The following ASB15 variants were observed in gnomAD, a reference collection of about 807,000 sequenced individuals.
ASB15 encodes ankyrin repeat and SOCS box protein 15.
In ASB15, 54 loss-of-function variants were observed where a neutral mutation model predicts 58.0. The observed-to-expected ratio is 0.93, with a 90% CI of 0.75 to 1.17. ASB15 has a LOEUF of 1.17. Among genes scored for constraint, ASB15 ranks in the 50% most tolerant of loss-of-function variants. ASB15 has a pLI of 0.00. For missense variants in ASB15, 680 were observed against 707.4 expected, an observed-to-expected ratio of 0.96 and a Z score of 0.44; for synonymous variants, 249 against 262.4, an observed-to-expected ratio of 0.95 and a Z score of 0.50.
chr7:123,604,871 A>T (rs1354044478), intron 2 of ASB15, among the ~76,000 whole-genome samples: 1 of 152,168 alleles, frequency 6.6e-6, no homozygotes, highest in Admixed American at 6.5e-5. Flanking sequence ...ACAGGAGTTC[A>T]ATCACAGAAT....
At chr7:123,597,954 G>GTTTA (rs1799751968), upstream of ASB15, among the ~76,000 whole-genome samples, 1 of 151,484 alleles carries the variant, frequency 6.6e-6, no homozygotes, top group Non-Finnish European at 1.5e-5. Context: ...GTGTGTGTGT[G>GTTTA]TGTGTGTCTT....
chr7:123,577,671 TAC>T (rs1400049382), intron 1 of ASB15, among the ~76,000 whole-genome samples: 1 of 152,112 alleles, frequency 6.6e-6, no homozygotes, highest in Non-Finnish European at 1.5e-5. Flanking sequence ...TGTTGAACAA[TAC>T]AGAGTCAAAC....
At chr7:123,589,324 C>T (rs200736110) in intron 1 of ASB15, among the ~76,000 whole-genome samples, 5 of 96,522 alleles carry the variant, frequency 5.2e-5, no homozygotes, top group South Asian at 3.2e-4. Flanking sequence ...TTATTATTAT[C>T]ATTATTATTA....
intron 11 of ASB15, among the ~76,000 whole-genome samples, chr7:123,634,831 G>A (rs1802327574): frequency 6.6e-6 from 1 of 152,108 alleles, no homozygotes; most frequent in African/African-American, 2.4e-5. Context: ...CTAATATGTA[G>A]CCCCCAAAGA....
intron 7 of ASB15, chr7:123,620,293 G>A (rs1034818704): frequency 2.0e-5 from 3 of 151,788 alleles, no homozygotes; most frequent in East Asian, 3.9e-4. Flanking sequence ...CTAAATACTT[G>A]GGGCTTCTGT....
chr7:123,567,994 G>C (rs1798805796), intron 1 of ASB15, among the ~76,000 whole-genome samples: 1 of 151,928 alleles, frequency 6.6e-6, no homozygotes, highest in Non-Finnish European at 1.5e-5. Context: ...CTTCTAAAAA[G>C]TGTCCATACT....
At chr7:123,567,195 T>A (rs1356582272) in intron 1 of ASB15, 1 of 152,176 alleles carries the variant, frequency 6.6e-6, no homozygotes, top group East Asian at 1.9e-4. Flanking sequence ...CTAGTGATAG[T>A]AGAATTAGGA....
At chr7:123,635,583 C>CTTTTTTTTT (rs5887149) in intron 11 of ASB15, among the ~76,000 whole-genome samples, 1 of 81,694 alleles carries the variant, frequency 1.2e-5, no homozygotes, top group African/African-American at 4.9e-5. Flanking sequence ...AAATTAATTG[C>CTTTTTTTTT]TTTTTTTTTT....
At position 123,627,253 on chromosome 7, in the gene ASB15, C is replaced by T; in HGVS notation, c.841C>T (p.His281Tyr). 6.2e-7 allele frequency: 1 copy of T among 1,613,706 alleles called. No individual in the cohort carries two copies. The highest frequency in any genetic ancestry group is 1.1e-5 in the South Asian group (1 of 91,062). ...TAACCGAGCAGGACATCTTCCTATA[C>T]ACCGAGCTGCCTATGAGGGGCATTA... ...VPNRAGHLPI[H>Y]RAAYEGHYLA... is the part of the protein sequence containing the mutation. The change falls in exon 9 of 12, where the codon CAC (histidine) becomes TAC (tyrosine). Residue 281 changes from histidine to tyrosine, a missense_variant. Coordinates refer to ENST00000451215, the MANE Select transcript of ASB15 (RefSeq NM_001290258.2).
intron 10 of ASB15, 105 bp from the exon 11 acceptor site, chr7:123,629,859 CTT>C: frequency 1.2e-6 from 1 of 839,550 alleles, no homozygotes; most frequent in South Asian, 2.3e-5. Flanking sequence ...AAGGAGAGAT[CTT>C]TTATTTTCTG....
Position 123,623,894 on chromosome 7 carries a change from G to GA in ASB15, c.452-672dup, listed in dbSNP as rs1440675165. ...AAAAAAAAGAAAAGAAAAGAAGAAA[G>GA]AAAGAATGGAAGGAAGGAAGGAAGG... is the stretch of plus-strand genomic sequence containing the variant. On this transcript the variant is annotated intron_variant, in intron 7 of 11. Transcript: ENST00000451215. Among the ~76,000 whole-genome samples, 11 of 64,564 alleles carry GA rather than the reference G, an allele frequency of 1.7e-4. 2 individuals carry two copies. The highest frequency in any genetic ancestry group is 7.7e-4 in the African/African-American group (11 of 14,338). 42.4% of individuals were successfully genotyped at this position (64,564 alleles called of 152,430 possible). A position where few individuals can be genotyped will look rare whatever the true frequency, so the allele number is the denominator to read the frequency against.
At chr7:123,603,818 T>C (rs1353985669) in intron 1 of ASB15, among the ~76,000 whole-genome samples, 1 of 152,156 alleles carries the variant, frequency 6.6e-6, no homozygotes, top group African/African-American at 2.4e-5. Flanking sequence ...AACATACGAC[T>C]TGTAGATCTT....
chr7:123,596,536 T>C (rs1413684152), intron 1 of ASB15: 1 of 152,046 alleles, frequency 6.6e-6, no homozygotes, highest in African/African-American at 2.4e-5. Context: ...TACTTGAGCC[T>C]GGGAGGCGGA....
At chr7:123,604,009 T>C (rs139819159) in intron 1 of ASB15, 23 bp from the exon 2 acceptor site, 1 of 152,286 alleles carries the variant, frequency 6.6e-6, no homozygotes, top group Non-Finnish European at 1.5e-5. Context: ...TAGAAAGAAA[T>C]GGATAAACAA....
chr7:123,582,255 T>C (rs1207663487), intron 1 of ASB15, among the ~76,000 whole-genome samples: 1 of 151,770 alleles, frequency 6.6e-6, no homozygotes, highest in Non-Finnish European at 1.5e-5. Context: ...GAAGGAAGGA[T>C]GTGTGACAAT....
intron 11 of ASB15, 80 bp from the exon 12 acceptor site, chr7:123,636,729 G>T: frequency 8.3e-7 from 1 of 1,209,978 alleles, no homozygotes; most frequent in South Asian, 1.4e-5. Flanking sequence ...CACTACTCAT[G>T]TTATTCTGAA....
intron 9 of ASB15, 146 bp downstream of exon 9, chr7:123,627,427 T>C (rs757405267): frequency 3.3e-5 from 20 of 609,526 alleles, no homozygotes; most frequent in Non-Finnish European, 4.6e-5. Flanking sequence ...AATTTAGATA[T>C]TTAGAACTTA....
rs536473982 is a variant in ASB15 at position 123,634,892 on chromosome 7, G to C, written c.1595-1917G>C. Among the ~76,000 whole-genome samples, 46 of 152,328 alleles carry C rather than the reference G, an allele frequency of 3.0e-4. 1 individual carries two copies. In the South Asian group the frequency reaches 9.1e-3, roughly 30 times the overall value. On this transcript the variant is annotated intron_variant, in intron 11 of 11. Transcript: ENST00000451215. ...TGCCAAAGAGATCAAACCCGAGCCT[G>C]ATCAAGTCTCTGTATCCAGTTATCA...
At chr7:123,623,905 A>T (rs375123337) in intron 7 of ASB15, among the ~76,000 whole-genome samples, 1 of 13,204 alleles carries the variant, frequency 7.6e-5, no homozygotes, top group African/African-American at 3.7e-4. Flanking sequence ...AAAGAATGGA[A>T]GGAAGGAAGG....
Sources: gnomAD v4.1 joint callset for allele counts (sites outside exome capture counted in the v4.1 genomes callset) on GRCh38, gnomAD v4.1.1 for gene constraint, MANE v1.5 for transcripts, NCBI Gene and HGNC (gene_info 2026-07-23, HGNC 2026-07-21) for gene names.